The following GPN1 variants were observed in gnomAD, a reference collection of about 807,000 sequenced individuals.
The protein encoded by GPN1 is GPN-loop GTPase 1, also known as ATP(GTP)-binding protein.
In GPN1, 44 loss-of-function variants were observed where a neutral mutation model predicts 55.9. The observed-to-expected ratio is 0.79, with a 90% CI of 0.62 to 1.01. The LOEUF (loss-of-function observed/expected upper bound fraction) is 1.01, where lower values mean the gene tolerates loss of function less well. Among genes scored for constraint, GPN1 ranks in the 50% least tolerant of loss-of-function variants. The pLI is 0.00. For synonymous variants in GPN1, 179 were observed against 162.5 expected, an observed-to-expected ratio of 1.10 and a Z score of -0.77; for missense variants, 466 against 462.8, an observed-to-expected ratio of 1.01 and a Z score of -0.06.
At chr2:27,632,752 G>C in intron 5 of GPN1, 82 bp downstream of exon 5, 1 of 917,504 alleles carries the variant, frequency 1.1e-6, no homozygotes, top group East Asian at 2.4e-5. Context: ...GATACCATCA[G>C]CCTCTGAAAG....
At chr2:27,631,130 C>A in intron 3 of GPN1, 64 bp downstream of exon 3, 1 of 856,244 alleles carries the variant, frequency 1.2e-6, no homozygotes, top group Non-Finnish European at 2.0e-6. Context: ...TATTTTGTGG[C>A]TTGAAAGAGT....
intron 7 of GPN1, among the ~76,000 whole-genome samples, chr2:27,636,635 TTG>T (rs1328532271): frequency 1.3e-5 from 2 of 151,982 alleles, no homozygotes; most frequent in African/African-American, 4.8e-5. Flanking sequence ...GTCACCACAC[TTG>T]GCTAATTTTG....
chr2:27,636,585 A>G (rs532120849), intron 7 of GPN1, among the ~76,000 whole-genome samples: 3 of 152,180 alleles, frequency 2.0e-5, no homozygotes, highest in Non-Finnish European at 4.4e-5. Flanking sequence ...ATTTCCGCCT[A>G]CTGGGTTCAG....
At chr2:27,628,323 C>A, upstream of GPN1, 2 of 1,395,114 alleles carry the variant, frequency 1.4e-6, no homozygotes, top group African/African-American at 1.5e-5. Flanking sequence ...GCTCTTTCAT[C>A]ATCTTTCCTG....
Position 27,640,086 on chromosome 2 carries a change from T to A in GPN1, c.761T>A (p.Leu254His). 6.2e-7 allele frequency: 1 copy of A among 1,613,432 alleles called. No individual in the cohort carries two copies. Among genetic ancestry groups the A allele is most frequent in the South Asian group, 1.1e-5 (1 of 91,072 alleles). The stretch of plus-strand genomic sequence containing the variant: ...GTTCTGGGTACTGGATTAGATGAAC[T>A]CTTTGTGCAAGTTACCAGTGCTGCC... ...SAVLGTGLDE[L>H]FVQVTSAAEE... Residue 254 changes from leucine (L) to histidine (H), a missense_variant, in exon 10 of 14, where the codon CTC becomes CAC. Transcript: ENST00000610189.
At chr2:27,634,065 T>C (rs1381102491) in intron 5 of GPN1, among the ~76,000 whole-genome samples, 3 of 152,154 alleles carry the variant, frequency 2.0e-5, no homozygotes, top group Non-Finnish European at 4.4e-5. Flanking sequence ...CAACTTTTGT[T>C]ATTCTTCTTG....
At chr2:27,642,756 G>T (rs977562307) in intron 12 of GPN1, among the ~76,000 whole-genome samples, 1 of 151,706 alleles carries the variant, frequency 6.6e-6, no homozygotes, top group Non-Finnish European at 1.5e-5. Flanking sequence ...TAGAGATGGG[G>T]TTTTTTCCAT....
chr2:27,645,079 T>C (rs992547119), intron 12 of GPN1, among the ~76,000 whole-genome samples: 1 of 151,696 alleles, frequency 6.6e-6, no homozygotes, highest in Admixed American at 6.6e-5. Flanking sequence ...GCATTCCCCC[T>C]GTCTCAGCCT....
chr2:27,646,381 T>G (rs1171313630), intron 12 of GPN1, among the ~76,000 whole-genome samples: 1 of 152,206 alleles, frequency 6.6e-6, no homozygotes, highest in East Asian at 1.9e-4. Flanking sequence ...CCTTCTTCAT[T>G]ACTGTTGAAA....
rs1272030199 is a variant in GPN1 at position 27,651,506 on chromosome 2, A to G, written c.*1306A>G. On this transcript the variant is annotated 3_prime_UTR_variant, in exon 14 of 14. Coordinates refer to ENST00000610189, the MANE Select transcript of GPN1 (RefSeq NM_007266.4). ...TGCAGCAATAAAAGTGTTTTATTAT[A>G]AAGTATTAATTTTAATGTTCTATAC... The G allele has an allele frequency of 2.6e-5, 4 of 152,432 alleles. No individual in the cohort carries two copies. The highest frequency in any genetic ancestry group is 2.0e-4 in the Admixed American group (3 of 15,296). 9.4% of individuals were successfully genotyped at this position (152,432 alleles called of 1,614,324 possible).
At chr2:27,630,086 G>T (rs563332562) in intron 2 of GPN1, 134 bp downstream of exon 2, 195 of 624,278 alleles carry the variant, frequency 3.1e-4, no homozygotes, top group South Asian at 3.1e-3. Context: ...AGGAGTTCAA[G>T]ACCAGCCTGG....
chr2:27,643,692 TATTTTATAGAGC>T lies in GPN1; in HGVS notation c.931+1176_931+1187del, dbSNP rs1674075548. On this transcript the variant is annotated intron_variant, in intron 12 of 13. Coordinates refer to ENST00000610189, the MANE Select transcript of GPN1 (RefSeq NM_007266.4). This position sits in a 1 kb window ranked among gnomAD's most constrained non-coding sequence, Gnocchi z 4.0. ...ACATTTTTTAAGCATGTAGGATAGT[TATTTTATAGAGC>T]ATCCTTCAGTTTAGGTTTGTCTCAT... 6.6e-6 allele frequency among the ~76,000 whole-genome samples: 1 copy of T among 152,204 alleles called. No homozygotes were observed. Among genetic ancestry groups the T allele is most frequent in the South Asian group, 2.1e-4 (1 of 4,832 alleles).
chr2:27,646,428 T>A (rs192321651), intron 12 of GPN1, among the ~76,000 whole-genome samples: 407 of 152,366 alleles, frequency 2.7e-3, no homozygotes, highest in African/African-American at 9.5e-3. Context: ...TATAACTGGT[T>A]TATGTTTGTA....
chr2:27,628,445 T>G, upstream of GPN1: 1 of 1,551,582 alleles, frequency 6.4e-7, no homozygotes, highest in South Asian at 1.2e-5. Context: ...TGTAGTTCAC[T>G]GAGGGTGACT....
intron 5 of GPN1, among the ~76,000 whole-genome samples, chr2:27,634,582 T>C (rs767260939): frequency 2.6e-5 from 4 of 152,210 alleles, no homozygotes; most frequent in African/African-American, 4.8e-5. Flanking sequence ...TTTAAATGCA[T>C]TGTGTTTCTA....
chr2:27,643,545 G>A lies in GPN1; in HGVS notation c.931+1026G>A, dbSNP rs184258394. 6.6e-6 allele frequency among the ~76,000 whole-genome samples: 1 copy of A among 152,112 alleles called. No individual in the cohort carries two copies. Among genetic ancestry groups the A allele is most frequent in the Non-Finnish European group, 1.5e-5 (1 of 68,040 alleles). On this transcript the variant is annotated intron_variant, in intron 12 of 13. Transcript: ENST00000610189. This position sits in a 1 kb window ranked among gnomAD's most constrained non-coding sequence, Gnocchi z 4.0. ...GCTAACATATAGATCTTATTCAGAT[G>A]TAGCCATTTCCCCATGATAGCAGGA...
rs1673884358 is a variant in GPN1, at chr2:27,640,225, A to G, written c.800+100A>G. The G allele has an allele frequency of 6.1e-6, 5 of 814,508 alleles. No homozygotes were observed. In the South Asian group the frequency reaches 7.2e-5, roughly 12 times the overall value. 50.5% of individuals were successfully genotyped at this position (814,508 alleles called of 1,614,324 possible). A position where few individuals can be genotyped will look rare whatever the true frequency, so the allele number is the denominator to read the frequency against. The stretch of plus-strand genomic sequence containing the variant: ...GAAAAGCATTACATTTTCATGATGG[A>G]TGTATTATATTTGGTTTGCATATGT... On this transcript the variant is annotated intron_variant, in intron 10 of 13. Transcript: ENST00000610189.
chr2:27,644,869 C>T (rs778406876), intron 12 of GPN1, among the ~76,000 whole-genome samples: 17 of 151,208 alleles, frequency 1.1e-4, no homozygotes, highest in Admixed American at 9.9e-4. Flanking sequence ...TGAGATGCTA[C>T]GTGTATAATG....
rs1673878774 is a variant in GPN1, at chr2:27,640,091, G to A, written c.766G>A (p.Val256Met). Residue 256 changes from valine (V) to methionine (M), a missense_variant, in exon 10 of 14, where the codon GTG (valine) becomes ATG (methionine). Coordinates refer to ENST00000610189, the MANE Select transcript of GPN1 (RefSeq NM_007266.4). ...GGGTACTGGATTAGATGAACTCTTT[G>A]TGCAAGTTACCAGTGCTGCCGAAGA... ...VLGTGLDELF[V>M]QVTSAAEEYE... 7 of 1,613,088 alleles carry A rather than the reference G, an allele frequency of 4.3e-6. No individual in the cohort carries two copies. In the South Asian group the frequency reaches 6.6e-5, roughly 15 times the overall value.
Sources: gnomAD v4.1 joint callset for allele counts (sites outside exome capture counted in the v4.1 genomes callset) on GRCh38, gnomAD v4.1.1 for gene constraint, Gnocchi (gnomAD v3.1) non-coding constraint, MANE v1.5 for transcripts, NCBI Gene and HGNC (gene_info 2026-07-23, HGNC 2026-07-21) for gene names.